Variants in FAM193A observed in about 807,000 individuals in gnomAD.
The protein encoded by FAM193A is family with sequence similarity 193 member A.
A neutral mutation model predicts 126.5 loss-of-function variants in FAM193A; 22 were observed. The ratio of observed to expected loss-of-function variants is 0.17; its 90% CI spans 0.12 to 0.25. The LOEUF is 0.25. FAM193A is among the 10% of genes least tolerant of loss of function. The probability of loss-of-function intolerance (pLI) is 1.00; values close to 1 mark genes in which losing one functional copy is unlikely to be tolerated. For synonymous variants in FAM193A, 761 were observed against 646.8 expected (o/e 1.18, Z -2.68); for missense variants, 1,675 against 1,672.8 (o/e 1.00, Z -0.02).
At chr4:2,680,325 TTTC>T (rs1410880452) in intron 13 of FAM193A, among the ~76,000 whole-genome samples, 1 of 152,198 alleles carries the variant, frequency 6.6e-6, no homozygotes, top group Non-Finnish European at 1.5e-5. Context: ...TTCGTAATAC[TTTC>T]TTTTTTCTTT....
In FAM193A at chr4:2,639,846, G is replaced by T. The variant is rs1361737042; in HGVS notation, c.1150G>T (p.Val384Leu). 6.2e-7 allele frequency: 1 copy of T among 1,613,774 alleles called. No individual in the cohort carries two copies. Among genetic ancestry groups the T allele is most frequent in the African/African-American group, 1.3e-5 (1 of 74,888 alleles). The change falls in exon 6 of 21, where the codon GTG becomes TTG. Residue 384 changes from valine (V) to leucine (L), a missense_variant. By Grantham distance (32) the Val-to-Leu change is conservative. Transcript: ENST00000637812. ...TCTTCAGAGCAACTTGCCCGCACTG[G>T]TGTCACAGATCAGGTATTTTGCCTT... ...PLLQSNLPAL[V>L]SQIRLGTTTH...
chr4:2,668,013 C>T (rs1017183543), intron 12 of FAM193A, among the ~76,000 whole-genome samples: 3 of 152,144 alleles, frequency 2.0e-5, no homozygotes, highest in Non-Finnish European at 4.4e-5. Flanking sequence ...AAGCAGTCTT[C>T]CTGCCTCAGC....
At chr4:2,589,262 T>G (rs1397322713) in intron 1 of FAM193A, among the ~76,000 whole-genome samples, 1 of 152,260 alleles carries the variant, frequency 6.6e-6, no homozygotes, top group African/African-American at 2.4e-5. Flanking sequence ...ATGCCTTCAT[T>G]AATGCCTTAA....
intron 20 of FAM193A, among the ~76,000 whole-genome samples, chr4:2,725,289 A>G (rs2109417512): frequency 6.6e-6 from 1 of 152,068 alleles, no homozygotes; most frequent in East Asian, 1.9e-4. Flanking sequence ...CTCTACAAAA[A>G]GTAAAATCAG....
chr4:2,626,225 C>G (rs1742950009), intron 3 of FAM193A, among the ~76,000 whole-genome samples, 185 bp from the exon 4 acceptor site: 1 of 152,136 alleles, frequency 6.6e-6, no homozygotes, highest in South Asian at 2.1e-4. Flanking sequence ...AGATCTTACG[C>G]AGAGTGCACC....
chr4:2,542,725 T>C (rs377391002), intron 1 of FAM193A, among the ~76,000 whole-genome samples: 2 of 152,230 alleles, frequency 1.3e-5, no homozygotes, highest in African/African-American at 4.8e-5. Context: ...TTCTGAGTCC[T>C]GGCAAGCAGC....
intron 20 of FAM193A, among the ~76,000 whole-genome samples, chr4:2,723,897 C>T (rs1188865461): frequency 6.6e-6 from 1 of 152,112 alleles, no homozygotes; most frequent in African/African-American, 2.4e-5. Context: ...GACCACCAGG[C>T]CCAGGTGATC....
At position 2,696,214 on chromosome 4, in the gene FAM193A, CTT is replaced by C. The variant is rs368921748; in HGVS notation, c.3277-145_3277-144del. ...GGGTGACTTGCTGATAGGTTTTTCT[CTT>C]TTTCTGCTGGTTGTTGTATTTCCTT... On this transcript the variant is annotated intron_variant, in intron 17 of 20. Coordinates refer to ENST00000637812, the MANE Select transcript of FAM193A (RefSeq NM_001366318.2). 851 of 605,722 alleles carry C rather than the reference CTT, an allele frequency of 1.4e-3. 2 individuals are homozygous for C. Among genetic ancestry groups the C allele is most frequent in the African/African-American group, 8.2e-3 (443 of 53,872 alleles). The allele number at this position is 605,722 out of a possible 1,614,324, so 37.5% of individuals were successfully genotyped here. A position where few individuals can be genotyped will look rare whatever the true frequency, so the allele number is the denominator to read the frequency against.
intron 2 of FAM193A, among the ~76,000 whole-genome samples, chr4:2,607,638 C>G (rs1056958426): frequency 7.2e-5 from 11 of 152,204 alleles, no homozygotes; most frequent in African/African-American, 2.7e-4. Context: ...TTCATTATAG[C>G]TTTAACACTG....
intron 1 of FAM193A, among the ~76,000 whole-genome samples, chr4:2,571,929 G>T (rs1211736634): frequency 2.0e-5 from 3 of 151,632 alleles, no homozygotes; most frequent in Non-Finnish European, 4.4e-5. Context: ...ACTTCGAGAG[G>T]CTGAGGCTGG....
intron 2 of FAM193A, among the ~76,000 whole-genome samples, chr4:2,612,998 C>G (rs972902304): frequency 7.9e-5 from 12 of 152,158 alleles, no homozygotes; most frequent in African/African-American, 2.9e-4. Context: ...CTCTATAGAT[C>G]AGTTTGGGGG....
intron 19 of FAM193A, among the ~76,000 whole-genome samples, chr4:2,706,681 C>A (rs1296050800): frequency 1.3e-5 from 2 of 149,904 alleles, no homozygotes; most frequent in Admixed American, 1.3e-4. Context: ...GTCATTATTG[C>A]ATTTAGTTAG....
chr4:2,583,256 G>A (rs1252436937), intron 1 of FAM193A, among the ~76,000 whole-genome samples: 1 of 152,224 alleles, frequency 6.6e-6, no homozygotes, highest in Admixed American at 6.5e-5. Flanking sequence ...TCATAGGCGT[G>A]AGCCACTGCG....
At chr4:2,710,068 T>C (rs935195822) in intron 19 of FAM193A, among the ~76,000 whole-genome samples, 1 of 152,132 alleles carries the variant, frequency 6.6e-6, no homozygotes, top group Non-Finnish European at 1.5e-5. Context: ...TATTTTTCCT[T>C]TCTCCCTATT....
At chr4:2,714,327 G>C (rs185153909) in intron 19 of FAM193A, among the ~76,000 whole-genome samples, 52 of 152,230 alleles carry the variant, frequency 3.4e-4, no homozygotes, top group African/African-American at 1.1e-3. Context: ...ACAAACATGT[G>C]GAGCCTGCTG....
At chr4:2,685,401 T>G (rs936403728) in intron 13 of FAM193A, among the ~76,000 whole-genome samples, 9 of 152,230 alleles carry the variant, frequency 5.9e-5, no homozygotes, top group African/African-American at 2.2e-4. Context: ...AGATTTAGAT[T>G]GGGCAGGTAA....
intron 4 of FAM193A, among the ~76,000 whole-genome samples, chr4:2,629,266 C>T (rs188226688): frequency 5.6e-4 from 84 of 150,896 alleles, no homozygotes; most frequent in Middle Eastern, 3.5e-3. Flanking sequence ...AGAACAGTGA[C>T]GTGGGTGTCC....
chr4:2,635,364 AC>A (rs1223184839), intron 5 of FAM193A, among the ~76,000 whole-genome samples: 1 of 152,206 alleles, frequency 6.6e-6, no homozygotes, highest in African/African-American at 2.4e-5. Flanking sequence ...ATGCAGACTT[AC>A]ATCAGTACTT....
chr4:2,716,939 G>A (rs910384597), intron 20 of FAM193A, among the ~76,000 whole-genome samples: 1 of 152,006 alleles, frequency 6.6e-6, no homozygotes, highest in South Asian at 2.1e-4. Context: ...GCCTCCCAAA[G>A]TGCTGTGATT....
Sources: gnomAD v4.1 joint callset for allele counts (sites outside exome capture counted in the v4.1 genomes callset) on GRCh38, gnomAD v4.1.1 for gene constraint, MANE v1.5 for transcripts, NCBI Gene and HGNC (gene_info 2026-07-23, HGNC 2026-07-21) for gene names.